NEXMIF: variants seen among roughly 807,000 people sequenced by gnomAD.
NEXMIF encodes the protein XLMR protein related to neurite extension.
In NEXMIF, 8 loss-of-function variants were observed where a neutral mutation model predicts 62.1. The ratio of observed to expected loss-of-function variants is 0.13; its 90% CI spans 0.08 to 0.23. The LOEUF (loss-of-function observed/expected upper bound fraction) is 0.23. Among genes scored for constraint, NEXMIF ranks in the 10% least tolerant of loss-of-function variants. The probability of loss-of-function intolerance (pLI) is 1.00; values close to 1 mark genes in which losing one functional copy is unlikely to be tolerated. For missense variants in NEXMIF, 976 were observed against 1,113.3 expected, an observed-to-expected ratio of 0.88 and a Z score of 1.75; for synonymous variants, 404 against 416.6, an observed-to-expected ratio of 0.97 and a Z score of 0.37.
intron 1 of NEXMIF, among the ~76,000 whole-genome samples, chrX:74,813,355 G>GA (rs1013952681): frequency 2.7e-5 from 3 of 110,892 alleles, no homozygotes; most frequent in Non-Finnish European, 3.8e-5. Context: ...AGGAAATTAA[G>GA]AAAAAAAACA....
intron 1 of NEXMIF, among the ~76,000 whole-genome samples, chrX:74,759,031 C>T (rs2080167965): frequency 8.9e-6 from 1 of 112,259 alleles, no homozygotes; most frequent in Non-Finnish European, 1.9e-5. Context: ...AGTGTATAAG[C>T]ATTTATTTTT....
At chrX:74,856,339 T>A (rs1439569267) in intron 1 of NEXMIF, among the ~76,000 whole-genome samples, 5 of 111,558 alleles carry the variant, frequency 4.5e-5, no homozygotes, top group African/African-American at 1.3e-4. Flanking sequence ...GAAGAAAGCA[T>A]CAGTGAACTT....
chrX:74,909,764 T>C lies in NEXMIF; in HGVS notation c.-48+15119A>G, dbSNP rs764686465. The stretch of plus-strand genomic sequence containing the variant: ...GGTTTTGTGGGATAGGCCCAAGGTC[T>C]CCATGCTGTGTGCAGCCTAGGAATT... On this transcript the variant is annotated intron_variant, in intron 1 of 3. Transcript: ENST00000055682. Among the ~76,000 whole-genome samples the C allele has an allele frequency of 8.0e-5, 9 of 111,821 alleles. No homozygotes were observed. The East Asian group carries it at 2.5e-3, about 32-fold the overall frequency.
chrX:74,773,476 C>T (rs749239154), intron 1 of NEXMIF, among the ~76,000 whole-genome samples: 1 of 111,215 alleles, frequency 9.0e-6, no homozygotes, highest in South Asian at 3.8e-4. Flanking sequence ...GATGTCTGGG[C>T]TGAGAGCTAG....
intron 1 of NEXMIF, among the ~76,000 whole-genome samples, chrX:74,876,503 A>C (rs1250089296): frequency 1.8e-5 from 2 of 109,652 alleles, no homozygotes; most frequent in Non-Finnish European, 3.8e-5. Flanking sequence ...GATGTCTATT[A>C]GGTTCGCTTG....
At chrX:74,766,186 C>T (rs2080194449) in intron 1 of NEXMIF, among the ~76,000 whole-genome samples, 1 of 111,032 alleles carries the variant, frequency 9.0e-6, no homozygotes, top group Admixed American at 9.6e-5. Context: ...TCATTTTGAC[C>T]TTGGGAAGTC....
chrX:74,772,025 T>A (rs2080211731), intron 1 of NEXMIF, among the ~76,000 whole-genome samples: 1 of 111,712 alleles, frequency 9.0e-6, no homozygotes, highest in Non-Finnish European at 1.9e-5. Context: ...AAACCAGTGC[T>A]CAAAGCAACT....
At chrX:74,784,034 G>T (rs1158309181) in intron 1 of NEXMIF, among the ~76,000 whole-genome samples, 1 of 111,713 alleles carries the variant, frequency 9.0e-6, no homozygotes. Context: ...TTTATAAAAT[G>T]ATTGGGCTAG....
intron 1 of NEXMIF, among the ~76,000 whole-genome samples, chrX:74,794,143 G>T (rs2080296743): frequency 9.2e-6 from 1 of 109,172 alleles, no homozygotes; most frequent in South Asian, 4.1e-4. Flanking sequence ...GTGATGTACA[G>T]ATGGGTTTTT....
At chrX:74,920,803 C>T (rs1399345397) in intron 1 of NEXMIF, among the ~76,000 whole-genome samples, 2 of 111,457 alleles carry the variant, frequency 1.8e-5, no homozygotes, top group Non-Finnish European at 3.8e-5. Flanking sequence ...CAGAGGATGA[C>T]TTGGCACTAC....
At chrX:74,874,467 G>A (rs1487710573) in intron 1 of NEXMIF, among the ~76,000 whole-genome samples, 1 of 111,135 alleles carries the variant, frequency 9.0e-6, no homozygotes, top group Non-Finnish European at 1.9e-5. Context: ...GATTGACTTG[G>A]TGATGTGGGC....
intron 1 of NEXMIF, among the ~76,000 whole-genome samples, chrX:74,762,781 C>T (rs2080181222): frequency 9.0e-6 from 1 of 111,691 alleles, no homozygotes; most frequent in Non-Finnish European, 1.9e-5. Context: ...AGTGTCTGTT[C>T]ATATCCTTCA....
At chrX:74,862,104 T>A (rs1038543195) in intron 1 of NEXMIF, among the ~76,000 whole-genome samples, 3 of 111,280 alleles carry the variant, frequency 2.7e-5, no homozygotes, top group Non-Finnish European at 5.7e-5. Flanking sequence ...CCATCTCACG[T>A]GCAAAGACAC....
At chrX:74,763,782 T>C (rs1201969274) in intron 1 of NEXMIF, among the ~76,000 whole-genome samples, 1 of 111,761 alleles carries the variant, frequency 8.9e-6, no homozygotes, top group Non-Finnish European at 1.9e-5. Flanking sequence ...CTGTTTTTGG[T>C]GTATAAGAAT....
At chrX:74,863,416 C>A (rs1326618176) in intron 1 of NEXMIF, among the ~76,000 whole-genome samples, 1 of 110,812 alleles carries the variant, frequency 9.0e-6, no homozygotes, top group African/African-American at 3.3e-5. Flanking sequence ...ATCAAATAAA[C>A]ACAACAAAAA....
chrX:74,868,246 T>C (rs1194962530), intron 1 of NEXMIF, among the ~76,000 whole-genome samples: 2 of 111,556 alleles, frequency 1.8e-5, no homozygotes, highest in African/African-American at 6.5e-5. Flanking sequence ...AAACCAGAAA[T>C]ACCATTTGAC....
chrX:74,898,227 G>A (rs954223836), intron 1 of NEXMIF, among the ~76,000 whole-genome samples: 33 of 112,081 alleles, frequency 2.9e-4, no homozygotes, highest in African/African-American at 6.5e-5. Context: ...TGTTAAAGTC[G>A]TGTTGATAGC....
chrX:74,875,830 C>T lies in NEXMIF; in HGVS notation c.-48+49053G>A, dbSNP rs766568812. Among the ~76,000 whole-genome samples the T allele has an allele frequency of 7.1e-4, 79 of 111,439 alleles. No individual in the cohort carries two copies. In the East Asian group the frequency reaches 0.015, roughly 21 times the overall value. On this transcript the variant is annotated intron_variant, in intron 1 of 3. Coordinates refer to ENST00000055682, the MANE Select transcript of NEXMIF (RefSeq NM_001008537.3). Reference sequence around the variant, plus strand: ...ATGGTAGTTTGTATTTCTGTGGGATCGGTGGTGATATCCCCTTTATCATTT... The same window carrying T: ...ATGGTAGTTTGTATTTCTGTGGGATTGGTGGTGATATCCCCTTTATCATTT...
intron 1 of NEXMIF, among the ~76,000 whole-genome samples, chrX:74,887,031 C>A (rs1401636832): frequency 8.9e-6 from 1 of 111,882 alleles, no homozygotes; most frequent in Non-Finnish European, 1.9e-5. Context: ...ACAAAGCTGA[C>A]AAAAACAAGC....
Sources: allele counts gnomAD v4.1 joint callset (sites outside exome capture counted in the v4.1 genomes callset), GRCh38; gene constraint gnomAD v4.1.1; transcripts MANE v1.5; gene names NCBI Gene and HGNC (gene_info 2026-07-23, HGNC 2026-07-21).